ETV1: variants seen among roughly 807,000 people sequenced by gnomAD.
ETV1 encodes the protein ETS translocation variant 1.
Under a neutral mutation model 62.3 loss-of-function variants are expected in ETV1, and 27 were observed. That is an observed-to-expected ratio of 0.43 (90% CI 0.32 to 0.60). The LOEUF is 0.60. Among genes scored for constraint, ETV1 ranks in the 20% least tolerant of loss-of-function variants. The pLI is 0.06. For missense variants in ETV1, 605 were observed against 605.8 expected (o/e 1.00, Z 0.01); for synonymous variants, 222 against 199.6 (o/e 1.11, Z -0.94).
Position 13,986,648 on chromosome 7 carries a change from C to T in ETV1, c.171G>A (p.Trp57Ter), listed in dbSNP as rs1265128802. 1.2e-6 allele frequency: 2 copies of T among 1,612,522 alleles called. No homozygotes were observed. Among genetic ancestry groups the T allele is most frequent in the Non-Finnish European group, 1.7e-6 (2 of 1,179,376 alleles). ...FQDLSQLQET[W>*]LAEAQVPDND... ...CAAATTTTGCCTTACCTTCTGCAAG[C>T]CATGTTTCCTGTAATTGACTTAGAT... Residue 57 changes from tryptophan (W) to a stop codon, truncating the protein, a stop_gained, in exon 5 of 14, where the codon TGG (tryptophan) becomes TGA (stop). Transcript: ENST00000430479. LOFTEE classifies it high-confidence loss of function.
intron 9 of ETV1, among the ~76,000 whole-genome samples, chr7:13,920,258 G>A (rs1053675042): frequency 6.6e-6 from 1 of 152,164 alleles, no homozygotes; most frequent in Non-Finnish European, 1.5e-5. Context: ...TCTGATTTGA[G>A]AATGTTGTCT....
chr7:13,954,470 T>C (rs1789186244), intron 6 of ETV1, among the ~76,000 whole-genome samples: 2 of 152,222 alleles, frequency 1.3e-5, no homozygotes, highest in South Asian at 2.1e-4. Flanking sequence ...GGAAATACTA[T>C]TATCGTTCCA....
At chr7:13,959,799 C>A (rs994966711) in intron 6 of ETV1, among the ~76,000 whole-genome samples, 10 of 142,892 alleles carry the variant, frequency 7.0e-5, no homozygotes, top group African/African-American at 2.6e-4. Context: ...AGGAGAATGG[C>A]TGGAACCTGG....
At chr7:13,905,633 T>C (rs533203374) in intron 12 of ETV1, among the ~76,000 whole-genome samples, 1 of 152,306 alleles carries the variant, frequency 6.6e-6, no homozygotes, top group Admixed American at 6.5e-5. Flanking sequence ...ATGGAAATAC[T>C]CCATTTGTAT....
chr7:13,952,475 T>G (rs1294549803), intron 6 of ETV1, among the ~76,000 whole-genome samples: 1 of 152,128 alleles, frequency 6.6e-6, no homozygotes, highest in Non-Finnish European at 1.5e-5. Context: ...TAGCAAAGGG[T>G]GGCAACCAAT....
rs1035509222 is a variant in ETV1, at chr7:13,893,119, G to C, written c.*2747C>G. On this transcript the variant is annotated 3_prime_UTR_variant, in exon 14 of 14. Transcript: ENST00000430479. ...CTTAGTTATTTGAGTATAAGTGTTT[G>C]TTGCAATTAATCTATTGGGTATTAA... 8.6e-6 allele frequency: 2 copies of C among 232,470 alleles called. No individual in the cohort carries two copies. The highest frequency in any genetic ancestry group is 5.6e-5 in the Admixed American group (1 of 17,754). The allele number at this position is 232,470 out of a possible 1,614,324, so 14.4% of individuals were successfully genotyped here. A position where few individuals can be genotyped will look rare whatever the true frequency, so the allele number is the denominator to read the frequency against.
At chr7:13,917,160 A>G (rs1221370222) in intron 9 of ETV1, among the ~76,000 whole-genome samples, 1 of 152,076 alleles carries the variant, frequency 6.6e-6, no homozygotes, top group East Asian at 1.9e-4. Context: ...GATCCAAACA[A>G]CATTAGATTA....
chr7:13,983,214 TCTAGA>T (rs1782178754), intron 5 of ETV1, among the ~76,000 whole-genome samples: 1 of 151,972 alleles, frequency 6.6e-6, no homozygotes, highest in Non-Finnish European at 1.5e-5. Context: ...TGAAAGAACA[TCTAGA>T]CCGGAAACAA....
chr7:13,986,614 C>A, intron 5 of ETV1, 24 bp downstream of exon 5: 1 of 1,610,812 alleles, frequency 6.2e-7, no homozygotes, highest in South Asian at 1.1e-5. Context: ...GCTTTCCCCC[C>A]TTTTAAAGCA....
intron 7 of ETV1, 90 bp from the exon 8 acceptor site, chr7:13,935,986 T>C (rs931762790): frequency 6.0e-5 from 61 of 1,010,112 alleles, no homozygotes; most frequent in African/African-American, 1.6e-4. Flanking sequence ...AAAGATATTT[T>C]AGACTTAAGT....
intron 12 of ETV1, among the ~76,000 whole-genome samples, chr7:13,901,763 G>A (rs931409613): frequency 5.3e-5 from 8 of 152,052 alleles, no homozygotes; most frequent in Non-Finnish European, 7.4e-5. Context: ...TTTAGAGAAC[G>A]GTAATTGGAT....
intron 8 of ETV1, 83 bp downstream of exon 8, chr7:13,935,625 C>A: frequency 8.4e-7 from 1 of 1,187,698 alleles, no homozygotes; most frequent in South Asian, 1.4e-5. Flanking sequence ...CTTAAATCTA[C>A]TCTAGGCCTT....
chr7:13,895,253 A>C lies in ETV1; in HGVS notation c.*613T>G, dbSNP rs1010226836. 8.6e-6 allele frequency: 2 copies of C among 233,592 alleles called. No individual in the cohort carries two copies. The highest frequency in any genetic ancestry group is 4.4e-5 in the African/African-American group (2 of 45,344). The allele number at this position is 233,592 out of a possible 1,614,324, so 14.5% of individuals were successfully genotyped here. On this transcript the variant is annotated 3_prime_UTR_variant, in exon 14 of 14. Transcript: ENST00000430479. ...AACTTCAGAGAGAATTACCCATTTTATGGTTATCCTCTGCAAGTCATATAT... is the reference window on the plus strand; with the variant it reads ...AACTTCAGAGAGAATTACCCATTTTCTGGTTATCCTCTGCAAGTCATATAT...
intron 9 of ETV1, among the ~76,000 whole-genome samples, chr7:13,913,898 T>C (rs985555758): frequency 2.8e-5 from 4 of 145,292 alleles, no homozygotes; most frequent in African/African-American, 1.0e-4. Context: ...TTTTTTTTTT[T>C]TTTTGAGACA....
At chr7:13,965,615 C>A (rs1204115315) in intron 6 of ETV1, among the ~76,000 whole-genome samples, 1 of 152,020 alleles carries the variant, frequency 6.6e-6, no homozygotes, top group Admixed American at 6.6e-5. Flanking sequence ...TTATTTTATG[C>A]CCTGGGTTTC....
Position 13,900,976 on chromosome 7 carries a change from G to A in ETV1, c.1111-137C>T, listed in dbSNP as rs576036702. The A allele has an allele frequency of 1.8e-4, 95 of 529,332 alleles. 1 individual carries two copies. Among genetic ancestry groups the A allele is most frequent in the South Asian group, 1.5e-3 (47 of 31,466 alleles). 32.8% of individuals were successfully genotyped at this position (529,332 alleles called of 1,614,324 possible). A position where few individuals can be genotyped will look rare whatever the true frequency, so the allele number is the denominator to read the frequency against. On this transcript the variant is annotated intron_variant, in intron 12 of 13. Transcript: ENST00000430479. ...TATAAGTAAAGTAGCAAGAGCTATC[G>A]TAATCTGGATTTCCTGTCTCCTGGT...
chr7:13,987,603 T>G (rs1782662295), intron 4 of ETV1, among the ~76,000 whole-genome samples: 1 of 152,278 alleles, frequency 6.6e-6, no homozygotes, highest in African/African-American at 2.4e-5. Context: ...CCTCACAATT[T>G]AGTCATCAAA....
At chr7:13,906,280 A>G (rs1399285823) in intron 12 of ETV1, 150 bp downstream of exon 12, 1 of 516,578 alleles carries the variant, frequency 1.9e-6, no homozygotes, top group East Asian at 3.2e-5. Flanking sequence ...AAAGGTAGAC[A>G]TGTTTTATCT....
At position 13,894,285 on chromosome 7, in the gene ETV1, C is replaced by T. The variant is rs569959412; in HGVS notation, c.*1581G>A. 7 of 232,048 alleles carry T rather than the reference C, an allele frequency of 3.0e-5. No individual in the cohort carries two copies. The highest frequency in any genetic ancestry group is 6.1e-5 in the East Asian group (1 of 16,368). 14.4% of individuals were successfully genotyped at this position (232,048 alleles called of 1,614,324 possible). A position where few individuals can be genotyped will look rare whatever the true frequency, so the allele number is the denominator to read the frequency against. ...GCGAGCTATTCAGAGATTCTATATC[C>T]CCATTTACTCATGGTTTTTTCAAGG... On this transcript the variant is annotated 3_prime_UTR_variant, in exon 14 of 14. Transcript: ENST00000430479.
Sources: allele counts gnomAD v4.1 joint callset (sites outside exome capture counted in the v4.1 genomes callset), GRCh38; gene constraint gnomAD v4.1.1; transcripts MANE v1.5; gene names NCBI Gene and HGNC (gene_info 2026-07-23, HGNC 2026-07-21).